The following TIAM2 variants were observed in gnomAD, a reference collection of about 807,000 sequenced individuals.
The protein encoded by TIAM2 is TIAM Rac1 associated GEF 2.
A neutral mutation model predicts 152.9 loss-of-function variants in TIAM2; 80 were observed. That is an observed-to-expected ratio of 0.52 (90% CI 0.44 to 0.63). The LOEUF (loss-of-function observed/expected upper bound fraction) is 0.63, where lower values mean the gene tolerates loss of function less well. Ranked by LOEUF, TIAM2 falls within the 30% of genes least tolerant of loss-of-function variation. TIAM2 has a pLI of 0.00. For missense variants in TIAM2, 1,965 were observed against 2,120.1 expected, an observed-to-expected ratio of 0.93 and a Z score of 1.44; for synonymous variants, 804 against 838.0, an observed-to-expected ratio of 0.96 and a Z score of 0.70.
chr6:155,177,080 C>T, intron 10 of TIAM2, 103 bp downstream of exon 10: 1 of 1,152,324 alleles, frequency 8.7e-7, no homozygotes, highest in Non-Finnish European at 1.2e-6. Context: ...GCCCAGTTTC[C>T]ATGCCAGGGA....
At chr6:155,098,589 T>C (rs996613514) in intron 2 of TIAM2, among the ~76,000 whole-genome samples, 2 of 152,206 alleles carry the variant, frequency 1.3e-5, no homozygotes, top group African/African-American at 4.8e-5. Flanking sequence ...AGTCTAGATT[T>C]TTCTAAATAT....
chr6:155,229,892 T>C (rs1000720120), intron 15 of TIAM2, among the ~76,000 whole-genome samples: 3 of 151,882 alleles, frequency 2.0e-5, no homozygotes, highest in African/African-American at 7.2e-5. Context: ...GAACTGCCCT[T>C]TATAAAACCA....
At position 155,257,345 on chromosome 6, in the gene TIAM2, C is replaced by G; in HGVS notation, c.*224C>G. 1.9e-6 allele frequency: 1 copy of G among 537,478 alleles called. No individual in the cohort carries two copies. Among genetic ancestry groups the G allele is most frequent in the South Asian group, 2.2e-5 (1 of 44,920 alleles). 33.3% of individuals were successfully genotyped at this position (537,478 alleles called of 1,614,324 possible). On this transcript the variant is annotated 3_prime_UTR_variant, in exon 27 of 27. Coordinates refer to ENST00000682666, the MANE Select transcript of TIAM2 (RefSeq NM_012454.4). ...AATCTGTAAATTACTTAGTTTATATCCACTTTGAGCAGGTATCAAATGATT... is the reference window on the plus strand; with the variant it reads ...AATCTGTAAATTACTTAGTTTATATGCACTTTGAGCAGGTATCAAATGATT...
At chr6:155,015,612 G>A (rs1778560976) in intron 1 of TIAM2, among the ~76,000 whole-genome samples, 1 of 152,106 alleles carries the variant, frequency 6.6e-6, no homozygotes. Flanking sequence ...TATTAAATAA[G>A]TTTTGAGCAG....
chr6:155,072,505 A>G (rs1777860072), intron 1 of TIAM2, among the ~76,000 whole-genome samples: 1 of 152,076 alleles, frequency 6.6e-6, no homozygotes, highest in African/African-American at 2.4e-5. Flanking sequence ...GTCTTTCCAG[A>G]GCGGCTGGAC....
chr6:155,104,991 C>G (rs1214988386), intron 2 of TIAM2, among the ~76,000 whole-genome samples: 2 of 152,102 alleles, frequency 1.3e-5, no homozygotes, highest in East Asian at 3.9e-4. Context: ...GGGTCTCAGT[C>G]TGTCACCCAG....
chr6:155,060,258 C>T (rs111249145), intron 1 of TIAM2, among the ~76,000 whole-genome samples: 7,636 of 151,784 alleles, frequency 0.05, 654 homozygotes, highest in African/African-American at 0.18. Context: ...ACAAAATTAG[C>T]GGGCGTGGTG....
intron 1 of TIAM2, among the ~76,000 whole-genome samples, chr6:155,081,671 G>T (rs1778065178): frequency 6.6e-6 from 1 of 152,172 alleles, no homozygotes; most frequent in Admixed American, 6.5e-5. Flanking sequence ...GTTCCATAGG[G>T]ATGGCTCAGC....
At chr6:155,220,370 C>CA (rs897303929) in intron 15 of TIAM2, among the ~76,000 whole-genome samples, 2 of 152,196 alleles carry the variant, frequency 1.3e-5, no homozygotes, top group African/African-American at 4.8e-5. Context: ...TGTCTAGGAG[C>CA]AGAGTATCAT....
At chr6:155,172,659 TATATATATATATATATATA>T (rs1780622830) in intron 9 of TIAM2, among the ~76,000 whole-genome samples, 2 of 9,042 alleles carry the variant, frequency 2.2e-4, no homozygotes, top group African/African-American at 5.6e-4. Flanking sequence ...TATATATATA[TATATATATATATATATATA>T]TATATATATT....
Position 155,026,446 on chromosome 6 carries a change from A to G in TIAM2, c.-209+30954A>G, listed in dbSNP as rs2114873962. On this transcript the variant is annotated intron_variant, in intron 1 of 26. Coordinates refer to ENST00000682666, the MANE Select transcript of TIAM2 (RefSeq NM_012454.4). Reference sequence around the variant, plus strand: ...CTCCTGGTGGGGGTAGACTGTTTCAACGCTAAGCAGTTAATTTTCTTTGCA... The same window carrying G: ...CTCCTGGTGGGGGTAGACTGTTTCAGCGCTAAGCAGTTAATTTTCTTTGCA... 2.0e-5 allele frequency among the ~76,000 whole-genome samples: 3 copies of G among 152,340 alleles called. No individual in the cohort carries two copies. In the Middle Eastern group the frequency reaches 0.01, roughly 518 times the overall value.
rs2115222335 is a variant in TIAM2, at chr6:155,214,063, C to T, written c.3168+2756C>T. 2.6e-5 allele frequency among the ~76,000 whole-genome samples: 4 copies of T among 152,358 alleles called. 1 individual carries two copies. The Middle Eastern group carries it at 0.014, about 518-fold the overall frequency. On this transcript the variant is annotated intron_variant, in intron 15 of 26. Transcript: ENST00000682666. The surrounding 1 kb of genome is among the most constrained non-coding windows in gnomAD (Gnocchi z 5.4). ...GGGAGGGCGGGGCTCCTTCCTGCTC[C>T]TGGCCCCCAAGAACACAGGGATGTC...
chr6:155,034,957 C>T (rs554599496), intron 1 of TIAM2, among the ~76,000 whole-genome samples: 15 of 152,188 alleles, frequency 9.9e-5, no homozygotes, highest in Admixed American at 4.6e-4. Context: ...TTAATGTTTA[C>T]AGGATCCCTA....
chr6:155,234,212 C>T (rs183921826), intron 15 of TIAM2, among the ~76,000 whole-genome samples: 17 of 152,196 alleles, frequency 1.1e-4, no homozygotes, highest in East Asian at 3.9e-4. Flanking sequence ...TTCAAGTGCC[C>T]GTGTTTTTTA....
intron 1 of TIAM2, among the ~76,000 whole-genome samples, chr6:155,042,007 T>C (rs1777057250): frequency 6.6e-6 from 1 of 152,126 alleles, no homozygotes; most frequent in African/African-American, 2.4e-5. Context: ...CGACTTCCCA[T>C]CCTCCAACCA....
chr6:155,044,351 A>G (rs1305938530), intron 1 of TIAM2, among the ~76,000 whole-genome samples: 1 of 152,212 alleles, frequency 6.6e-6, no homozygotes. Flanking sequence ...ACCATACTGC[A>G]GAGTCCTTTT....
intron 1 of TIAM2, among the ~76,000 whole-genome samples, chr6:155,059,749 A>G (rs796742907): frequency 3.0e-4 from 45 of 152,322 alleles, no homozygotes; most frequent in African/African-American, 1.0e-3. Context: ...TACTGGTGAC[A>G]TTAACCTTGA....
At chr6:155,089,231 G>T (rs1157153829) in intron 1 of TIAM2, among the ~76,000 whole-genome samples, 2 of 148,788 alleles carry the variant, frequency 1.3e-5, no homozygotes, top group Non-Finnish European at 3.0e-5. Context: ...GGGGGTGGGG[G>T]TGTGGGGGGA....
At chr6:155,016,542 A>G (rs372940704) in intron 1 of TIAM2, among the ~76,000 whole-genome samples, 1 of 124,946 alleles carries the variant, frequency 8.0e-6, no homozygotes, top group Non-Finnish European at 1.8e-5. Flanking sequence ...GGTAAATTTA[A>G]ATTTAAATGG....
Sources: gnomAD v4.1 joint callset for allele counts (sites outside exome capture counted in the v4.1 genomes callset) on GRCh38, gnomAD v4.1.1 for gene constraint, Gnocchi (gnomAD v3.1) non-coding constraint, MANE v1.5 for transcripts, NCBI Gene and HGNC (gene_info 2026-07-23, HGNC 2026-07-21) for gene names.